SLC25A48: variants seen among roughly 807,000 people sequenced by gnomAD.
The protein encoded by SLC25A48 is solute carrier family 25 member 48, also known as CTC-321K16.1.
SLC25A48 carries 29 observed loss-of-function variants against 32.2 expected under a neutral mutation model. That is an observed-to-expected ratio of 0.90 (90% confidence interval 0.67 to 1.23). The LOEUF (loss-of-function observed/expected upper bound fraction) is 1.23. Ranked by LOEUF, SLC25A48 falls within the 50% of genes most tolerant of loss-of-function variation. The pLI, the probability that SLC25A48 is intolerant of heterozygous loss-of-function variation, is 0.00. For missense variants in SLC25A48, 399 were observed against 422.7 expected (o/e 0.94, Z 0.49); for synonymous variants, 164 against 172.3 (o/e 0.95, Z 0.38).
At chr5:135,780,160 C>CTTTTTT (rs34277772) in intron 3 of SLC25A48, among the ~76,000 whole-genome samples, 2 of 38,840 alleles carry the variant, frequency 5.1e-5, no homozygotes, top group East Asian at 6.2e-4. Context: ...GTTTCTTCGT[C>CTTTTTT]TTTTTTTTTT....
chr5:135,672,286 G>A (rs1753673945), intron 3 of SLC25A48, among the ~76,000 whole-genome samples: 1 of 152,214 alleles, frequency 6.6e-6, no homozygotes, highest in African/African-American at 2.4e-5. Context: ...AGGAGGTAAT[G>A]TGGGTTTTGG....
chr5:135,831,408 C>G (rs776701869), upstream of SLC25A48, among the ~76,000 whole-genome samples: 9 of 152,274 alleles, frequency 5.9e-5, no homozygotes, highest in Non-Finnish European at 8.8e-5. Flanking sequence ...ACCCTCTTCT[C>G]AGTGGGCTCA....
chr5:135,722,953 G>A (rs1754996594), intron 3 of SLC25A48, among the ~76,000 whole-genome samples: 1 of 152,250 alleles, frequency 6.6e-6, no homozygotes, highest in South Asian at 2.1e-4. Context: ...TGCCCATGAG[G>A]GGGTCACCCC....
chr5:135,799,389 G>GC (rs574216321), intron 3 of SLC25A48, among the ~76,000 whole-genome samples: 165 of 150,790 alleles, frequency 1.1e-3, no homozygotes, highest in African/African-American at 3.8e-3. Flanking sequence ...TGTACACAGT[G>GC]CCCCCCCGCC....
At chr5:135,800,321 A>G (rs1002354160) in intron 3 of SLC25A48, among the ~76,000 whole-genome samples, 3 of 151,800 alleles carry the variant, frequency 2.0e-5, no homozygotes, top group Admixed American at 2.0e-4. Context: ...ATTGTTCTTA[A>G]TATTTAGGGA....
Position 135,700,523 on chromosome 5 carries a change from C to A in SLC25A48, c.-521+65567C>A, listed in dbSNP as rs188211281. On this transcript the variant is annotated intron_variant, in intron 3 of 10. Transcript: ENST00000646290. ...GACAGCAATGAAGGAGGGTGCCCAG[C>A]CTCTAGAGCCCATCTCTGGGAGAGG... Among the ~76,000 whole-genome samples the A allele has an allele frequency of 9.2e-5, 14 of 152,324 alleles. No homozygotes were observed. In the East Asian group the frequency reaches 2.7e-3, roughly 29 times the overall value.
chr5:135,887,178 A>G (rs1489340921), intron 7 of SLC25A48, among the ~76,000 whole-genome samples: 1 of 152,172 alleles, frequency 6.6e-6, no homozygotes, highest in Non-Finnish European at 1.5e-5. Context: ...GAAAATAACG[A>G]TTCTTTCTAA....
intron 1 of SLC25A48, chr5:135,600,967 G>C (rs1021457021): frequency 6.6e-6 from 1 of 151,852 alleles, no homozygotes; most frequent in Non-Finnish European, 1.5e-5. Context: ...TGGGATTACA[G>C]GTGTGAGACA....
chr5:135,811,318 C>T (rs1288556427), intron 3 of SLC25A48, among the ~76,000 whole-genome samples: 2 of 152,110 alleles, frequency 1.3e-5, no homozygotes, highest in African/African-American at 2.4e-5. Context: ...AAGTCAGGCC[C>T]AGAAAGACAA....
rs79325563 is a variant in SLC25A48 at position 135,705,592 on chromosome 5, A to G, written c.-521+70636A>G. On this transcript the variant is annotated intron_variant, in intron 3 of 10. Transcript: ENST00000646290. Reference sequence around the variant, plus strand: ...CATGCACTAACATTATTTAGTGCCTACATAAGTGGTAACCTTGCTTGGAAG... The same window carrying G: ...CATGCACTAACATTATTTAGTGCCTGCATAAGTGGTAACCTTGCTTGGAAG... Among the ~76,000 whole-genome samples the G allele has an allele frequency of 6.7e-3, 1,017 of 152,330 alleles. 8 individuals are homozygous for G. The highest frequency in any genetic ancestry group is 0.012 in the Non-Finnish European group (798 of 68,018).
chr5:135,612,956 T>A (rs1254572805), intron 1 of SLC25A48, among the ~76,000 whole-genome samples: 1 of 152,252 alleles, frequency 6.6e-6, no homozygotes, highest in African/African-American at 2.4e-5. Flanking sequence ...ATTGCTGAAT[T>A]ATATGGAAGT....
intron 7 of SLC25A48, among the ~76,000 whole-genome samples, chr5:135,885,613 T>C (rs938438464): frequency 6.6e-6 from 1 of 152,218 alleles, no homozygotes; most frequent in African/African-American, 2.4e-5. Flanking sequence ...TCTTTCTCAC[T>C]GGCCTGTGCC....
chr5:135,703,951 AG>A (rs1165120202), intron 3 of SLC25A48, among the ~76,000 whole-genome samples: 1 of 152,248 alleles, frequency 6.6e-6, no homozygotes, highest in African/African-American at 2.4e-5. Context: ...GCACAATGCC[AG>A]ACTCAGTGTT....
At chr5:135,666,066 T>A (rs1753518723) in intron 3 of SLC25A48, among the ~76,000 whole-genome samples, 1 of 152,170 alleles carries the variant, frequency 6.6e-6, no homozygotes, top group Non-Finnish European at 1.5e-5. Flanking sequence ...ATAGCGGTCA[T>A]CCTGTGCCAT....
At chr5:135,583,467 T>A (rs1185577497) in intron 1 of SLC25A48, among the ~76,000 whole-genome samples, 1 of 152,088 alleles carries the variant, frequency 6.6e-6, no homozygotes, top group Admixed American at 6.6e-5. Context: ...TTTTCGTGAC[T>A]GACCTTCTTT....
At chr5:135,814,384 C>T (rs1168622562) in intron 4 of SLC25A48, among the ~76,000 whole-genome samples, 1 of 152,210 alleles carries the variant, frequency 6.6e-6, no homozygotes, top group Non-Finnish European at 1.5e-5. Context: ...ACTCCAACTG[C>T]ACGCAGCAGT....
chr5:135,842,720 G>A (rs1178264609), intron 2 of SLC25A48, among the ~76,000 whole-genome samples: 1 of 152,206 alleles, frequency 6.6e-6, no homozygotes, highest in Non-Finnish European at 1.5e-5. Context: ...GGACTCTGGG[G>A]CTGTTGGGAC....
intron 3 of SLC25A48, among the ~76,000 whole-genome samples, chr5:135,725,799 A>G (rs1297242161): frequency 6.6e-6 from 1 of 151,938 alleles, no homozygotes; most frequent in Non-Finnish European, 1.5e-5. Context: ...CATCAGAGGC[A>G]GTTAACAGAT....
chr5:135,810,991 C>A (rs1757578461), intron 3 of SLC25A48, among the ~76,000 whole-genome samples: 1 of 152,192 alleles, frequency 6.6e-6, no homozygotes, highest in Non-Finnish European at 1.5e-5. Flanking sequence ...TTTGGCCACA[C>A]AGGACGATGA....
Sources: gnomAD v4.1 joint callset for allele counts (sites outside exome capture counted in the v4.1 genomes callset) on GRCh38, gnomAD v4.1.1 for gene constraint, MANE v1.5 for transcripts, NCBI Gene and HGNC (gene_info 2026-07-23, HGNC 2026-07-21) for gene names.